The following NAALADL2 variants were observed in gnomAD, a reference collection of about 807,000 sequenced individuals.
The protein encoded by NAALADL2 is inactive N-acetylated-alpha-linked acidic dipeptidase-like protein 2.
A neutral mutation model predicts 87.2 loss-of-function variants in NAALADL2; 76 were observed. That is an observed-to-expected ratio of 0.87 (90% CI 0.72 to 1.05). The LOEUF is 1.05. Ranked by LOEUF, NAALADL2 falls within the 50% of genes least tolerant of loss-of-function variation. The pLI is 0.00. For missense variants in NAALADL2, 1,089 were observed against 945.8 expected, an observed-to-expected ratio of 1.15 and a Z score of -1.99; for synonymous variants, 354 against 331.0, an observed-to-expected ratio of 1.07 and a Z score of -0.75.
At chr3:174,958,701 C>T (rs1240920475) in intron 1 of NAALADL2, among the ~76,000 whole-genome samples, 2 of 152,016 alleles carry the variant, frequency 1.3e-5, no homozygotes, top group Non-Finnish European at 2.9e-5. Flanking sequence ...TTTCTTCTTA[C>T]ATTACAAATA....
At chr3:175,334,195 G>T (rs1278235119) in intron 5 of NAALADL2, among the ~76,000 whole-genome samples, 1 of 152,078 alleles carries the variant, frequency 6.6e-6, no homozygotes, top group East Asian at 1.9e-4. Context: ...ATTGACTATT[G>T]TTGCGTGTTT....
chr3:175,643,854 G>A (rs538861870), intron 11 of NAALADL2, among the ~76,000 whole-genome samples: 241 of 152,204 alleles, frequency 1.6e-3, no homozygotes, highest in African/African-American at 5.4e-3. Context: ...TACACAGGCG[G>A]CCTCTAATGC....
At chr3:174,841,656 A>G (rs1724035820) in intron 3 of NAALADL2, among the ~76,000 whole-genome samples, 1 of 152,186 alleles carries the variant, frequency 6.6e-6, no homozygotes, top group Non-Finnish European at 1.5e-5. Context: ...TTTTATTTCA[A>G]GATGTTTTGA....
At chr3:175,450,450 A>C (rs1721396188) in intron 6 of NAALADL2, among the ~76,000 whole-genome samples, 1 of 152,204 alleles carries the variant, frequency 6.6e-6, no homozygotes, top group African/African-American at 2.4e-5. Flanking sequence ...GTGAGAATCC[A>C]CTAATTATTT....
chr3:175,590,535 T>C (rs1037261428), intron 10 of NAALADL2, among the ~76,000 whole-genome samples: 2 of 152,132 alleles, frequency 1.3e-5, no homozygotes, highest in Non-Finnish European at 2.9e-5. Context: ...ATGGCATTTA[T>C]AAAGGAATCT....
At chr3:175,463,327 A>G in intron 6 of NAALADL2, 74 bp from the exon 7 acceptor site, 1 of 852,790 alleles carries the variant, frequency 1.2e-6, no homozygotes, top group South Asian at 1.8e-5. Flanking sequence ...GATATTGGAT[A>G]AAATAAATTT....
intron 1 of NAALADL2, among the ~76,000 whole-genome samples, chr3:174,960,058 A>G (rs1363740935): frequency 6.6e-6 from 1 of 151,922 alleles, no homozygotes; most frequent in Non-Finnish European, 1.5e-5. Flanking sequence ...TTGGCTGCAG[A>G]CCCCGTAGTT....
At chr3:175,125,120 G>C (rs942805002) in intron 2 of NAALADL2, among the ~76,000 whole-genome samples, 3 of 151,968 alleles carry the variant, frequency 2.0e-5, no homozygotes, top group Non-Finnish European at 1.5e-5. Flanking sequence ...TGGCTACTGA[G>C]CACTTGAGAA....
chr3:174,662,199 A>C (rs995406139), intron 2 of NAALADL2, among the ~76,000 whole-genome samples: 3 of 152,200 alleles, frequency 2.0e-5, no homozygotes, highest in African/African-American at 7.2e-5. Flanking sequence ...TTTTATAGCT[A>C]ACATTGTTAT....
intron 1 of NAALADL2, among the ~76,000 whole-genome samples, chr3:175,016,048 AG>A (rs1288581795): frequency 6.6e-6 from 1 of 151,602 alleles, no homozygotes; most frequent in Non-Finnish European, 1.5e-5. Flanking sequence ...CATTTTAGAG[AG>A]GGGAAACATT....
chr3:174,810,450 G>A (rs571323952), intron 3 of NAALADL2, among the ~76,000 whole-genome samples: 1 of 152,202 alleles, frequency 6.6e-6, no homozygotes, highest in African/African-American at 2.4e-5. Context: ...TTGACAAAGA[G>A]CTTGGTTGGA....
intron 4 of NAALADL2, among the ~76,000 whole-genome samples, chr3:175,288,999 A>G (rs1444579413): frequency 6.6e-6 from 1 of 152,184 alleles, no homozygotes. Context: ...AAAACCTGGT[A>G]AAACTTGATC....
intron 5 of NAALADL2, among the ~76,000 whole-genome samples, chr3:175,391,209 T>A (rs1769024399): frequency 6.6e-6 from 1 of 152,230 alleles, no homozygotes; most frequent in Non-Finnish European, 1.5e-5. Context: ...TTCTCTTCTC[T>A]ATAACCACAT....
chr3:175,226,445 T>A (rs1340385247), intron 2 of NAALADL2, among the ~76,000 whole-genome samples: 1 of 152,256 alleles, frequency 6.6e-6, no homozygotes, highest in East Asian at 1.9e-4. Context: ...TTTTTATTGC[T>A]TTTGGAAAGC....
At chr3:174,559,478 G>A (rs1251734075) in intron 2 of NAALADL2, among the ~76,000 whole-genome samples, 1 of 152,188 alleles carries the variant, frequency 6.6e-6, no homozygotes, top group African/African-American at 2.4e-5. Context: ...TTAATCAGAA[G>A]TCAGCATGGC....
At chr3:175,104,313 G>GT (rs1422192799) in intron 2 of NAALADL2, among the ~76,000 whole-genome samples, 1 of 152,132 alleles carries the variant, frequency 6.6e-6, no homozygotes, top group Non-Finnish European at 1.5e-5. Flanking sequence ...ACCACAGAGT[G>GT]TTTTTATGGT....
chr3:175,252,431 A>G (rs1343407253), intron 3 of NAALADL2, among the ~76,000 whole-genome samples: 1 of 152,170 alleles, frequency 6.6e-6, no homozygotes, highest in Non-Finnish European at 1.5e-5. Flanking sequence ...AACTGACTCA[A>G]TAAATATTAT....
chr3:175,239,801 G>A (rs1338993273), intron 3 of NAALADL2, among the ~76,000 whole-genome samples: 1 of 152,154 alleles, frequency 6.6e-6, no homozygotes, highest in East Asian at 1.9e-4. Flanking sequence ...GGTCAATTCT[G>A]TACGACTCAG....
intron 10 of NAALADL2, among the ~76,000 whole-genome samples, chr3:175,597,338 A>G (rs926039074): frequency 6.6e-6 from 1 of 152,030 alleles, no homozygotes; most frequent in Non-Finnish European, 1.5e-5. Flanking sequence ...AATAATCAAT[A>G]CTGCAAGACC....
Sources: allele counts gnomAD v4.1 joint callset (sites outside exome capture counted in the v4.1 genomes callset), GRCh38; gene constraint gnomAD v4.1.1; transcripts MANE v1.5; gene names NCBI Gene and HGNC (gene_info 2026-07-23, HGNC 2026-07-21).